Variants in AVL9 observed in about 807,000 individuals in gnomAD.
The protein encoded by AVL9 is late secretory pathway protein AVL9 homolog.
In AVL9, 49 loss-of-function variants were observed where a neutral mutation model predicts 79.2. The ratio of observed to expected loss-of-function variants is 0.62; its 90% CI spans 0.49 to 0.79. The LOEUF (loss-of-function observed/expected upper bound fraction) is 0.79, where lower values mean the gene tolerates loss of function less well. Ranked by LOEUF, AVL9 falls within the 30% of genes least tolerant of loss-of-function variation. AVL9 has a pLI of 0.00. For synonymous variants in AVL9, 299 were observed against 280.6 expected, an observed-to-expected ratio of 1.07 and a Z score of -0.65; for missense variants, 682 against 776.8, an observed-to-expected ratio of 0.88 and a Z score of 1.45.
chr7:32,525,103 G>A (rs1254802255), intron 1 of AVL9, among the ~76,000 whole-genome samples: 2 of 152,140 alleles, frequency 1.3e-5, no homozygotes, highest in East Asian at 3.8e-4. Context: ...GCAGTTCAAA[G>A]GTAAACAAAC....
At chr7:32,538,009 CTTAATT>C (rs1020155115) in intron 1 of AVL9, 7 of 152,178 alleles carry the variant, frequency 4.6e-5, no homozygotes, top group African/African-American at 1.7e-4. Context: ...CTAGAACAGC[CTTAATT>C]TTACCCATGG....
intron 12 of AVL9, among the ~76,000 whole-genome samples, chr7:32,575,318 C>G (rs1337946771): frequency 6.6e-6 from 1 of 152,092 alleles, no homozygotes; most frequent in Non-Finnish European, 1.5e-5. Context: ...AGGCTGGTCT[C>G]GAACTCCTGA....
chr7:32,571,867 C>T (rs1047366244), intron 11 of AVL9, among the ~76,000 whole-genome samples: 51 of 151,930 alleles, frequency 3.4e-4, no homozygotes, highest in East Asian at 1.6e-3. Flanking sequence ...CATAATAAGA[C>T]ATTCTAAAGT....
chr7:32,499,702 G>A (rs967777801), intron 1 of AVL9, among the ~76,000 whole-genome samples: 22 of 151,952 alleles, frequency 1.4e-4, no homozygotes, highest in African/African-American at 5.1e-4. Context: ...TAGATTTTAA[G>A]CCCCATATGC....
chr7:32,545,929 C>T (rs755087152), intron 3 of AVL9, among the ~76,000 whole-genome samples: 3 of 152,122 alleles, frequency 2.0e-5, no homozygotes, highest in South Asian at 4.1e-4. Flanking sequence ...GGTCTGCCCC[C>T]GCCCCAAAAG....
chr7:32,541,469 T>C (rs1789205178), intron 1 of AVL9, among the ~76,000 whole-genome samples: 2 of 152,126 alleles, frequency 1.3e-5, no homozygotes, highest in South Asian at 4.1e-4. Flanking sequence ...AATTATTTAT[T>C]TTTTTACATT....
intron 10 of AVL9, 102 bp from the exon 11 acceptor site, chr7:32,569,917 AG>A (rs1790749100): frequency 8.9e-7 from 1 of 1,123,962 alleles, no homozygotes; most frequent in Admixed American, 2.1e-5. Context: ...AGACAGGGCA[AG>A]GAAGAATGGA....
intron 8 of AVL9, among the ~76,000 whole-genome samples, chr7:32,557,738 A>G (rs1790130624): frequency 6.6e-6 from 1 of 151,994 alleles, no homozygotes; most frequent in African/African-American, 2.4e-5. Flanking sequence ...AGACATTGTG[A>G]CTATCCTGTT....
Position 32,543,229 on chromosome 7 carries a change from C to A in AVL9, c.182C>A (p.Ala61Asp). The change falls in exon 2 of 16, where the codon GCC becomes GAC. Residue 61 changes from alanine (A) to aspartate (D), a missense_variant. Coordinates refer to ENST00000318709, the MANE Select transcript of AVL9 (RefSeq NM_015060.3). ...PEEWKYLPFL[A>D]LPDGAHNYQE... ...GAATGGAAGTATTTGCCCTTCCTTG[C>A]CTTACCAGATGGCGCACACAACTAC... 1 of 1,614,176 alleles carries A rather than the reference C, an allele frequency of 6.2e-7. No individual in the cohort carries two copies. Among genetic ancestry groups the A allele is most frequent in the Non-Finnish European group, 8.5e-7 (1 of 1,180,026 alleles).
At chr7:32,526,447 G>C (rs1191429695) in intron 1 of AVL9, among the ~76,000 whole-genome samples, 1 of 152,136 alleles carries the variant, frequency 6.6e-6, no homozygotes, top group Non-Finnish European at 1.5e-5. Context: ...AACGAAATAA[G>C]TGGCGAAGGG....
At chr7:32,525,496 A>G (rs1262979984) in intron 1 of AVL9, among the ~76,000 whole-genome samples, 4 of 152,334 alleles carry the variant, frequency 2.6e-5, no homozygotes, top group East Asian at 3.9e-4. Flanking sequence ...TCTTACTACA[A>G]TTTCTCTTTA....
Position 32,552,292 on chromosome 7 carries a change from C to T in AVL9, c.526C>T (p.Leu176Phe). The change falls in exon 6 of 16, where the codon CTT (leucine) becomes TTT (phenylalanine). Residue 176 changes from leucine (L) to phenylalanine (F), a missense_variant. Transcript: ENST00000318709. ...TTCATTAGAAGGATCCCAAGTATAT[C>T]TTGGTAAGTAACTGACTTACAAGTT... ...GASLEGSQVY[L>F]GLSPRDLVLH... 6.3e-7 allele frequency: 1 copy of T among 1,591,274 alleles called. No homozygotes were observed. Among genetic ancestry groups the T allele is most frequent in the South Asian group, 1.1e-5 (1 of 90,252 alleles).
chr7:32,574,587 T>G (rs1755158377), intron 12 of AVL9, among the ~76,000 whole-genome samples: 1 of 152,198 alleles, frequency 6.6e-6, no homozygotes, highest in Non-Finnish European at 1.5e-5. Flanking sequence ...CTTTTTTTTT[T>G]GAACATTAAA....
At chr7:32,563,487 ATGGATG>A (rs111302916) in intron 10 of AVL9, among the ~76,000 whole-genome samples, 14,083 of 149,852 alleles carry the variant, frequency 0.094, 767 homozygotes, top group African/African-American at 0.15. Context: ...GTGGGAACCC[ATGGATG>A]TGGAGAACCA....
At position 32,495,549 on chromosome 7, in the gene AVL9, G is replaced by A; in HGVS notation, c.-161G>A. 1 of 420,402 alleles carries A rather than the reference G, an allele frequency of 2.4e-6. No individual in the cohort carries two copies. Among genetic ancestry groups the A allele is most frequent in the South Asian group, 1.3e-4 (1 of 7,418 alleles). 26.0% of individuals were successfully genotyped at this position (420,402 alleles called of 1,614,324 possible). On this transcript the variant is annotated 5_prime_UTR_variant, in exon 1 of 16. It introduces an in-frame stop codon into an upstream open reading frame of the 5' UTR. Transcript: ENST00000318709. ...TGAGGGAAGGGCGGCCGTGGCCCTGGGGGCGGCGGGAGCTGCTTTGCCTCC... is the reference window on the plus strand; with the variant it reads ...TGAGGGAAGGGCGGCCGTGGCCCTGAGGGCGGCGGGAGCTGCTTTGCCTCC...
chr7:32,544,638 A>T, intron 2 of AVL9, 56 bp from the exon 3 acceptor site: 1 of 1,194,092 alleles, frequency 8.4e-7, no homozygotes, highest in Non-Finnish European at 1.2e-6. Flanking sequence ...AGATTATACT[A>T]CTTATTAATA....
intron 1 of AVL9, among the ~76,000 whole-genome samples, chr7:32,520,808 C>T (rs1216828300): frequency 1.3e-5 from 2 of 152,068 alleles, no homozygotes; most frequent in African/African-American, 4.8e-5. Flanking sequence ...GTTAATAATA[C>T]ATAGGGGTAA....
At chr7:32,509,735 C>T (rs1166526383) in intron 1 of AVL9, among the ~76,000 whole-genome samples, 1 of 152,110 alleles carries the variant, frequency 6.6e-6, no homozygotes, top group East Asian at 1.9e-4. Context: ...CCTGTAATCC[C>T]AGCTACTCGG....
Position 32,580,334 on chromosome 7 carries a change from T to C in AVL9, c.1742+62T>C, listed in dbSNP as rs899635570. On this transcript the variant is annotated intron_variant, in intron 14 of 15. Coordinates refer to ENST00000318709, the MANE Select transcript of AVL9 (RefSeq NM_015060.3). ...GTCTGAATTTATGCCATGTGTTTCA[T>C]TGCTAATTGGGAATTGTTTTTCTCT... is the stretch of plus-strand genomic sequence containing the variant. 11 of 1,323,396 alleles carry C rather than the reference T, an allele frequency of 8.3e-6. No individual in the cohort carries two copies. In the Admixed American group the frequency reaches 9.4e-5, roughly 11 times the overall value. 82.0% of individuals were successfully genotyped at this position (1,323,396 alleles called of 1,614,324 possible). A position where few individuals can be genotyped will look rare whatever the true frequency, so the allele number is the denominator to read the frequency against.
Sources: allele counts gnomAD v4.1 joint callset (sites outside exome capture counted in the v4.1 genomes callset), GRCh38; gene constraint gnomAD v4.1.1; transcripts MANE v1.5; gene names NCBI Gene and HGNC (gene_info 2026-07-23, HGNC 2026-07-21).